TSPAN19: variants seen among roughly 807,000 people sequenced by gnomAD.
TSPAN19 encodes tetraspanin-19.
TSPAN19 carries 44 observed loss-of-function variants against 35.1 expected under a neutral mutation model. The ratio of observed to expected loss-of-function variants is 1.25; its 90% CI spans 0.98 to 1.61. TSPAN19 has a LOEUF of 1.61. TSPAN19 is among the 40% of genes most tolerant of loss of function. TSPAN19 has a pLI of 0.00. For synonymous variants in TSPAN19, 79 were observed against 92.0 expected (o/e 0.86, Z 0.81); for missense variants, 290 against 280.0 (o/e 1.04, Z -0.26).
chr12:85,023,967 ACC>A (rs1305623532), intron 4 of TSPAN19, among the ~76,000 whole-genome samples: 1 of 152,068 alleles, frequency 6.6e-6, no homozygotes, highest in Non-Finnish European at 1.5e-5. Flanking sequence ...GCTGTTGTCC[ACC>A]TAAAAAAAAG....
At chr12:85,033,097 C>G (rs1048755069) in intron 1 of TSPAN19, among the ~76,000 whole-genome samples, 2 of 151,592 alleles carry the variant, frequency 1.3e-5, no homozygotes, top group African/African-American at 4.8e-5. Flanking sequence ...GAGGTGGGGA[C>G]AGGAAATAAA....
At position 85,017,554 on chromosome 12, in the gene TSPAN19, T is replaced by C; in HGVS notation, c.496A>G (p.Lys166Glu). Reference sequence around the variant, plus strand: ...ACCTGTCCTGAATTTTCTTTGTTCTTATTCTTTATCCAGTCTGTGTAATTA... The same window carrying C: ...ACCTGTCCTGAATTTTCTTTGTTCTCATTCTTTATCCAGTCTGTGTAATTA... ...QHNYTDWIKN[K>E]NKENSGQVPC... Residue 166 changes from lysine (K) to glutamate (E), a missense_variant, in exon 7 of 9, where the codon AAG (lysine) becomes GAG (glutamate). Coordinates refer to ENST00000532498, the MANE Select transcript of TSPAN19 (RefSeq NM_001100917.2). 1 of 1,595,240 alleles carries C rather than the reference T, an allele frequency of 6.3e-7. No homozygotes were observed. Among genetic ancestry groups the C allele is most frequent in the Non-Finnish European group, 8.6e-7 (1 of 1,169,372 alleles).
At chr12:85,032,482 G>A (rs2135819435) in intron 1 of TSPAN19, among the ~76,000 whole-genome samples, 1 of 152,250 alleles carries the variant, frequency 6.6e-6, no homozygotes, top group Non-Finnish European at 1.5e-5. Context: ...AAAGGGGTGA[G>A]AACTTAGTAA....
At chr12:85,030,018 T>C (rs896776852) in intron 1 of TSPAN19, 45 bp from the exon 2 acceptor site, 1 of 1,293,006 alleles carries the variant, frequency 7.7e-7, no homozygotes, top group African/African-American at 1.5e-5. Flanking sequence ...CACAACAACT[T>C]TAAATATTTC....
chr12:85,014,908 C>T (rs7954110), intron 8 of TSPAN19: 72,629 of 161,698 alleles, frequency 0.45, 16,809 homozygotes, highest in Middle Eastern at 0.53. Context: ...TACAAAACTG[C>T]TTCTTTTTTT....
chr12:85,035,969 A>T (rs957446875), intron 1 of TSPAN19, among the ~76,000 whole-genome samples: 24 of 151,998 alleles, frequency 1.6e-4, no homozygotes, highest in Non-Finnish European at 3.1e-4. Context: ...ATGGAAGGCA[A>T]ACAACTTATT....
intron 1 of TSPAN19, among the ~76,000 whole-genome samples, chr12:85,033,795 A>G (rs560526400): frequency 6.6e-6 from 1 of 152,272 alleles, no homozygotes; most frequent in South Asian, 2.1e-4. Context: ...CAGTATCATC[A>G]TCTGTAAATG....
chr12:85,027,060 G>A (rs1877450807), intron 4 of TSPAN19, among the ~76,000 whole-genome samples: 1 of 152,098 alleles, frequency 6.6e-6, no homozygotes, highest in Admixed American at 6.6e-5. Context: ...CTGAGTGTGT[G>A]AATTGTGATC....
At chr12:85,015,861 C>A in intron 8 of TSPAN19, 27 bp downstream of exon 8, 1 of 1,487,450 alleles carries the variant, frequency 6.7e-7, no homozygotes, top group Non-Finnish European at 9.1e-7. Flanking sequence ...TAATATTTTT[C>A]ATTTTAACAT....
At chr12:85,024,426 C>A (rs921567682) in intron 4 of TSPAN19, among the ~76,000 whole-genome samples, 3 of 152,094 alleles carry the variant, frequency 2.0e-5, no homozygotes, top group Admixed American at 6.6e-5. Flanking sequence ...CTGGGTCTGA[C>A]AAAAGTGATT....
rs1255073358 is a variant in TSPAN19 at position 85,019,651 on chromosome 12, G to T, written c.425C>A (p.Thr142Asn). ...KDKPEDITKW[T>N]ILNALQKTLQ... is the part of the protein sequence containing the mutation. The stretch of plus-strand genomic sequence containing the variant: ...TGTTTTCTGTAAGGCATTCAGAATA[G>T]TCCACTTGGTTATATCTTCAGGCTT... The change falls in exon 6 of 9, where the codon ACT becomes AAT. Residue 142 changes from threonine to asparagine, a missense_variant. Coordinates refer to ENST00000532498, the MANE Select transcript of TSPAN19 (RefSeq NM_001100917.2). 2 of 1,604,898 alleles carry T rather than the reference G, an allele frequency of 1.2e-6. No homozygotes were observed. Among genetic ancestry groups the T allele is most frequent in the East Asian group, 4.5e-5 (2 of 44,724 alleles).
intron 8 of TSPAN19, 23 bp from the exon 9 acceptor site, chr12:85,014,578 G>T: frequency 3.2e-6 from 5 of 1,540,600 alleles, no homozygotes; most frequent in Non-Finnish European, 4.4e-6. Context: ...GGAACAATAA[G>T]AGATTAAAAT....
intron 5 of TSPAN19, 105 bp downstream of exon 5, chr12:85,023,221 C>G: frequency 1.0e-6 from 1 of 954,644 alleles, no homozygotes; most frequent in Non-Finnish European, 1.6e-6. Context: ...AAGAAATTTA[C>G]CTTTGGCTTT....
chr12:85,015,088 G>A (rs2135788901), intron 8 of TSPAN19: 1 of 152,006 alleles, frequency 6.6e-6, no homozygotes, highest in Admixed American at 6.6e-5. Context: ...ACCATTCTGA[G>A]ACTAAAATTG....
intron 3 of TSPAN19, among the ~76,000 whole-genome samples, chr12:85,028,903 T>G (rs1877552544): frequency 6.6e-6 from 1 of 152,126 alleles, no homozygotes; most frequent in South Asian, 2.1e-4. Flanking sequence ...TTAGAAGGTT[T>G]GGGCAAGGCT....
intron 1 of TSPAN19, among the ~76,000 whole-genome samples, chr12:85,030,209 G>A (rs915853555): frequency 2.0e-5 from 3 of 152,030 alleles, no homozygotes; most frequent in Non-Finnish European, 4.4e-5. Flanking sequence ...GCAATGCTTT[G>A]ACTAGGCAAT....
At chr12:85,030,668 A>G (rs1220250683) in intron 1 of TSPAN19, among the ~76,000 whole-genome samples, 1 of 152,104 alleles carries the variant, frequency 6.6e-6, no homozygotes, top group Non-Finnish European at 1.5e-5. Context: ...AAATTACTTA[A>G]TCTATAATTT....
At chr12:85,024,002 A>T (rs754252605) in intron 4 of TSPAN19, among the ~76,000 whole-genome samples, 7 of 152,274 alleles carry the variant, frequency 4.6e-5, no homozygotes, top group Non-Finnish European at 8.8e-5. Flanking sequence ...ATTATCTCTA[A>T]ATATGTTGAG....
chr12:85,030,893 C>T (rs1877654230), intron 1 of TSPAN19, among the ~76,000 whole-genome samples: 1 of 152,006 alleles, frequency 6.6e-6, no homozygotes, highest in Non-Finnish European at 1.5e-5. Flanking sequence ...CTAACTAGCA[C>T]TATAATTTTA....
Sources: gnomAD v4.1 joint callset for allele counts (sites outside exome capture counted in the v4.1 genomes callset) on GRCh38, gnomAD v4.1.1 for gene constraint, MANE v1.5 for transcripts, NCBI Gene and HGNC (gene_info 2026-07-23, HGNC 2026-07-21) for gene names.